ECPAS: variants seen among roughly 807,000 people sequenced by gnomAD.
ECPAS encodes the protein Ecm29 proteasome adaptor and scaffold.
A neutral mutation model predicts 255.1 loss-of-function variants in ECPAS; 70 were observed. The ratio of observed to expected loss-of-function variants is 0.27; its 90% confidence interval spans 0.23 to 0.33. The LOEUF is 0.33. Ranked by LOEUF, ECPAS falls within the 10% of genes least tolerant of loss-of-function variation. The pLI is 1.00. For synonymous variants in ECPAS, 784 were observed against 775.0 expected, an observed-to-expected ratio of 1.01 and a Z score of -0.19; for missense variants, 1,817 against 2,206.4, an observed-to-expected ratio of 0.82 and a Z score of 3.54.
intron 1 of ECPAS, among the ~76,000 whole-genome samples, chr9:111,478,481 T>G (rs2098299411): frequency 6.6e-6 from 1 of 151,918 alleles, no homozygotes; most frequent in South Asian, 2.1e-4. Context: ...GATCTGAGAT[T>G]GCACCACGGC....
intron 2 of ECPAS, among the ~76,000 whole-genome samples, chr9:111,454,853 G>A (rs1303603104): frequency 6.6e-6 from 1 of 151,810 alleles, no homozygotes; most frequent in African/African-American, 2.4e-5. Context: ...ACAGGCATAC[G>A]CCACCACACC....
intron 2 of ECPAS, among the ~76,000 whole-genome samples, chr9:111,470,732 G>A (rs985439175): frequency 9.9e-6 from 1 of 101,256 alleles, no homozygotes; most frequent in African/African-American, 3.6e-5. Context: ...ACCCCATCAT[G>A]TCCTCTCCTC....
chr9:111,424,638 T>G (rs919386265), intron 12 of ECPAS, among the ~76,000 whole-genome samples: 2 of 152,108 alleles, frequency 1.3e-5, no homozygotes, highest in Non-Finnish European at 2.9e-5. Flanking sequence ...AATCAAAAAT[T>G]TACTGAATGC....
rs1589100705 is a variant in ECPAS at position 111,361,887 on chromosome 9, T to G, written c.*143A>C. 9.9e-7 allele frequency: 1 copy of G among 1,011,656 alleles called. No homozygotes were observed. 62.7% of individuals were successfully genotyped at this position (1,011,656 alleles called of 1,614,324 possible). On this transcript the variant is annotated 3_prime_UTR_variant, in exon 50 of 50. Transcript: ENST00000684092. ...AAATAAAGCTAATAAGGAACAAAAT[T>G]TAAGGCTTTTTCTTTTTATTTCAGC...
intron 22 of ECPAS, 69 bp from the exon 23 acceptor site, chr9:111,410,282 G>T: frequency 1.5e-6 from 2 of 1,330,950 alleles, no homozygotes; most frequent in Non-Finnish European, 2.0e-6. Flanking sequence ...AACCAGTGAT[G>T]TACTCAAGGT....
chr9:111,421,409 A>ATATGTGTG (rs906013332), intron 15 of ECPAS, among the ~76,000 whole-genome samples: 2 of 143,326 alleles, frequency 1.4e-5, no homozygotes, highest in African/African-American at 5.1e-5. Flanking sequence ...TATTACATAT[A>ATATGTGTG]TGTGTGTGTG....
intron 2 of ECPAS, among the ~76,000 whole-genome samples, chr9:111,461,373 G>A (rs1290255267): frequency 6.6e-6 from 1 of 152,110 alleles, no homozygotes; most frequent in Non-Finnish European, 1.5e-5. Flanking sequence ...GCTTAGGTGG[G>A]AGAACTGCTT....
intron 1 of ECPAS, among the ~76,000 whole-genome samples, chr9:111,480,002 T>C (rs1378982749): frequency 1.3e-5 from 2 of 151,806 alleles, no homozygotes; most frequent in African/African-American, 4.8e-5. Flanking sequence ...AAAAAAACTT[T>C]AACAATTTTT....
intron 3 of ECPAS, among the ~76,000 whole-genome samples, chr9:111,446,563 T>G (rs1485761830): frequency 6.6e-6 from 1 of 152,114 alleles, no homozygotes; most frequent in Non-Finnish European, 1.5e-5. Context: ...TGTTTAAGAA[T>G]AATAACAACT....
At position 111,416,149 on chromosome 9, in the gene ECPAS, G is replaced by C; in HGVS notation, c.1764+123C>G. Reference sequence around the variant, plus strand: ...TTTTTTAAATAAACAACCCGATGAAGAACAATGACACCACAATATGGGTTT... The same window carrying C: ...TTTTTTAAATAAACAACCCGATGAACAACAATGACACCACAATATGGGTTT... On this transcript the variant is annotated intron_variant, in intron 18 of 49. Coordinates refer to ENST00000684092, the MANE Select transcript of ECPAS (RefSeq NM_001364929.1). 5 of 625,670 alleles carry C rather than the reference G, an allele frequency of 8.0e-6. No individual in the cohort carries two copies. In the Admixed American group the frequency reaches 8.6e-5, roughly 11 times the overall value. 38.8% of individuals were successfully genotyped at this position (625,670 alleles called of 1,614,324 possible).
At position 111,398,895 on chromosome 9, in the gene ECPAS, C is replaced by G. The variant is rs563248433; in HGVS notation, c.2653-1742G>C. 1.7e-3 allele frequency among the ~76,000 whole-genome samples: 264 copies of G among 151,946 alleles called. 2 individuals are homozygous for G. Among genetic ancestry groups the G allele is most frequent in the Non-Finnish European group, 3.2e-3 (215 of 67,964 alleles). On this transcript the variant is annotated intron_variant, in intron 24 of 49. Coordinates refer to ENST00000684092, the MANE Select transcript of ECPAS (RefSeq NM_001364929.1). ...GAGGTTGCAGTGAGCTGAGATTGCACCATTGCACTCCAGCCTGGGCAACAG... is the reference window on the plus strand; with the variant it reads ...GAGGTTGCAGTGAGCTGAGATTGCAGCATTGCACTCCAGCCTGGGCAACAG...
chr9:111,379,568 C>T (rs1006384329), intron 35 of ECPAS, among the ~76,000 whole-genome samples: 3 of 152,194 alleles, frequency 2.0e-5, no homozygotes, highest in African/African-American at 7.2e-5. Flanking sequence ...ATGAAGTTCG[C>T]TGCATCAATC....
At chr9:111,481,636 G>A (rs943770844) in intron 1 of ECPAS, among the ~76,000 whole-genome samples, 11 of 152,208 alleles carry the variant, frequency 7.2e-5, no homozygotes. Flanking sequence ...TCTCAAAGGG[G>A]TATCTGTACA....
At chr9:111,455,203 C>T (rs1013966615) in intron 2 of ECPAS, among the ~76,000 whole-genome samples, 3 of 152,110 alleles carry the variant, frequency 2.0e-5, no homozygotes, top group Admixed American at 6.5e-5. Flanking sequence ...CACTTGCTTT[C>T]GGCCTGGCAC....
intron 1 of ECPAS, among the ~76,000 whole-genome samples, chr9:111,476,355 A>G (rs1024932210): frequency 6.6e-6 from 1 of 152,216 alleles, no homozygotes; most frequent in African/African-American, 2.4e-5. Flanking sequence ...GTGGCAGAAG[A>G]TAGTATTAGC....
In ECPAS at chr9:111,361,449, T is replaced by G. The variant is rs1324326278; in HGVS notation, c.*581A>C. 6.6e-6 allele frequency: 1 copy of G among 152,292 alleles called. No individual in the cohort carries two copies. The highest frequency in any genetic ancestry group is 1.5e-5 in the Non-Finnish European group (1 of 68,090). The allele number at this position is 152,292 out of a possible 1,614,324, so 9.4% of individuals were successfully genotyped here. A position where few individuals can be genotyped will look rare whatever the true frequency, so the allele number is the denominator to read the frequency against. Reference sequence around the variant, plus strand: ...AGTTTAGTTCTGGCACAAAGACTGCTGTGTGCCACCCTAAACGTACCTCAT... The same window carrying G: ...AGTTTAGTTCTGGCACAAAGACTGCGGTGTGCCACCCTAAACGTACCTCAT... On this transcript the variant is annotated 3_prime_UTR_variant, in exon 50 of 50. Coordinates refer to ENST00000684092, the MANE Select transcript of ECPAS (RefSeq NM_001364929.1).
At chr9:111,376,970 A>G (rs572082965) in intron 36 of ECPAS, among the ~76,000 whole-genome samples, 117 of 152,316 alleles carry the variant, frequency 7.7e-4, no homozygotes, top group African/African-American at 2.7e-3. Context: ...TAATCTAACA[A>G]CTGTGCTGAA....
At position 111,471,188 on chromosome 9, in the gene ECPAS, T is replaced by G. The variant is rs183175245; in HGVS notation, c.22+1709A>C. The stretch of plus-strand genomic sequence containing the variant: ...AGTTGTAGCTTCACTTTGCCTTCAG[T>G]ATATCATAATGACATTAACACATCA... On this transcript the variant is annotated intron_variant, in intron 2 of 49. Coordinates refer to ENST00000684092, the MANE Select transcript of ECPAS (RefSeq NM_001364929.1). Among the ~76,000 whole-genome samples, 125 of 152,318 alleles carry G rather than the reference T, an allele frequency of 8.2e-4. 2 individuals carry two copies. In the Middle Eastern group the frequency reaches 0.024, roughly 29 times the overall value.
chr9:111,471,629 G>C (rs918154967), intron 2 of ECPAS, among the ~76,000 whole-genome samples: 1 of 152,138 alleles, frequency 6.6e-6, no homozygotes, highest in Admixed American at 6.6e-5. Flanking sequence ...TGAATTTACA[G>C]AGTTTCAATC....
Sources: gnomAD v4.1 joint callset for allele counts (sites outside exome capture counted in the v4.1 genomes callset) on GRCh38, gnomAD v4.1.1 for gene constraint, MANE v1.5 for transcripts, NCBI Gene and HGNC (gene_info 2026-07-23, HGNC 2026-07-21) for gene names.